SOX6: variants seen among roughly 807,000 people sequenced by gnomAD.
The protein encoded by SOX6 is SRY-box transcription factor 6, also known as transcription factor SOX-6.
SOX6 carries 11 observed loss-of-function variants against 97.8 expected under a neutral mutation model. The observed-to-expected ratio is 0.11, with a 90% CI of 0.07 to 0.19. The LOEUF is 0.19. Ranked by LOEUF, SOX6 falls within the 10% of genes least tolerant of loss-of-function variation. The pLI, the probability that SOX6 is intolerant of heterozygous loss-of-function variation, is 1.00. For missense variants in SOX6, 810 were observed against 1,039.5 expected (o/e 0.78, Z 3.04); for synonymous variants, 360 against 371.4 (o/e 0.97, Z 0.35).
At position 16,002,732 on chromosome 11, in the gene SOX6, T is replaced by G. The variant is rs558896371; in HGVS notation, c.1732+12210A>C. ...GGTTCAAGAAGATGCCCTTGGAGAA[T>G]AATGAGGCTGGTAAAAAGCTGGTAG... On this transcript the variant is annotated intron_variant, in intron 13 of 15. Transcript: ENST00000683767. 5.3e-5 allele frequency among the ~76,000 whole-genome samples: 8 copies of G among 152,246 alleles called. No homozygotes were observed. The South Asian group carries it at 1.7e-3, about 32-fold the overall frequency.
intron 3 of SOX6, among the ~76,000 whole-genome samples, chr11:16,703,592 G>A (rs1399968822): frequency 6.6e-6 from 1 of 152,042 alleles, no homozygotes; most frequent in Non-Finnish European, 1.5e-5. Context: ...ATACTGTCCG[G>A]AATGCTGTAA....
chr11:16,706,374 G>A (rs1848132168), intron 3 of SOX6, among the ~76,000 whole-genome samples: 1 of 144,330 alleles, frequency 6.9e-6, no homozygotes. Context: ...CTTAAGCCTG[G>A]GAGGTCAAGG....
intron 15 of SOX6, among the ~76,000 whole-genome samples, chr11:15,982,710 C>A (rs1249195090): frequency 6.6e-6 from 1 of 151,952 alleles, no homozygotes; most frequent in Non-Finnish European, 1.5e-5. Context: ...ACAGATGCAA[C>A]CACTGTAGAC....
intron 4 of SOX6, among the ~76,000 whole-genome samples, chr11:16,485,076 C>T (rs1860406051): frequency 6.6e-6 from 1 of 152,084 alleles, no homozygotes; most frequent in South Asian, 2.1e-4. Context: ...ATTTCTGGGT[C>T]AAGAGAGGAG....
chr11:16,578,598 A>T (rs1183386723), intron 4 of SOX6, among the ~76,000 whole-genome samples: 3 of 152,170 alleles, frequency 2.0e-5, no homozygotes, highest in African/African-American at 7.2e-5. Flanking sequence ...GAACTGTCAC[A>T]GTTCCTTCAA....
At chr11:16,281,688 T>C (rs993099789) in intron 3 of SOX6, among the ~76,000 whole-genome samples, 8 of 151,910 alleles carry the variant, frequency 5.3e-5, no homozygotes, top group Non-Finnish European at 1.2e-4. Context: ...GGCAAGTGAT[T>C]TAAACATTCT....
At chr11:16,301,108 C>G (rs563286002) in intron 3 of SOX6, among the ~76,000 whole-genome samples, 1 of 152,216 alleles carries the variant, frequency 6.6e-6, no homozygotes, top group East Asian at 1.9e-4. Context: ...TTCATGAAAT[C>G]ACATCAATTT....
At chr11:16,410,467 G>A (rs771792983) in intron 1 of SOX6, among the ~76,000 whole-genome samples, 28 of 151,960 alleles carry the variant, frequency 1.8e-4, no homozygotes, top group Non-Finnish European at 3.7e-4. Flanking sequence ...TAAAAGATAT[G>A]AGCAAGGGGC....
intron 6 of SOX6, among the ~76,000 whole-genome samples, chr11:16,176,182 A>G (rs1851181974): frequency 6.6e-6 from 1 of 151,750 alleles, no homozygotes; most frequent in Admixed American, 6.6e-5. Flanking sequence ...TAATCATTTA[A>G]TCTTCATTAC....
At chr11:16,511,841 C>A (rs1218010691) in intron 4 of SOX6, among the ~76,000 whole-genome samples, 1 of 152,096 alleles carries the variant, frequency 6.6e-6, no homozygotes, top group African/African-American at 2.4e-5. Flanking sequence ...TTTCTTAGAG[C>A]AGATGTCTAA....
At chr11:16,139,705 TGATA>T in intron 6 of SOX6, among the ~76,000 whole-genome samples, 1 of 152,006 alleles carries the variant, frequency 6.6e-6, no homozygotes, top group South Asian at 2.1e-4. Flanking sequence ...TGTGATGTGT[TGATA>T]TTACTATTGG....
At chr11:16,355,170 CACAAT>C (rs1462613389) in intron 1 of SOX6, among the ~76,000 whole-genome samples, 1 of 151,978 alleles carries the variant, frequency 6.6e-6, no homozygotes, top group Non-Finnish European at 1.5e-5. Flanking sequence ...TCACTATTTC[CACAAT>C]TTGAAGCTGA....
chr11:16,588,598 G>A (rs1828302198), intron 4 of SOX6, among the ~76,000 whole-genome samples: 1 of 152,084 alleles, frequency 6.6e-6, no homozygotes, highest in Non-Finnish European at 1.5e-5. Context: ...TTCTCCACTT[G>A]ACCCCCCTCT....
chr11:16,014,107 C>T (rs1260736168), intron 13 of SOX6, among the ~76,000 whole-genome samples: 1 of 151,994 alleles, frequency 6.6e-6, no homozygotes, highest in African/African-American at 2.4e-5. Flanking sequence ...GAAAACCAGT[C>T]TCTACTCTGT....
At chr11:16,037,034 A>G (rs983615272) in intron 12 of SOX6, among the ~76,000 whole-genome samples, 1 of 152,196 alleles carries the variant, frequency 6.6e-6, no homozygotes, top group African/African-American at 2.4e-5. Context: ...TGTCACTTAA[A>G]TGGTCTCAAT....
At chr11:16,116,094 G>C (rs1424245199) in intron 6 of SOX6, among the ~76,000 whole-genome samples, 1 of 152,086 alleles carries the variant, frequency 6.6e-6, no homozygotes, top group African/African-American at 2.4e-5. Context: ...CTTTATTAAA[G>C]AGAAGCCAGA....
chr11:16,281,479 G>A lies in SOX6; in HGVS notation c.445+36967C>T, dbSNP rs780280424. On this transcript the variant is annotated intron_variant, in intron 3 of 15. Transcript: ENST00000683767. Reference sequence around the variant, plus strand: ...TATTTATATCCACACATTATATACAGATGTATTTCATTTTTCCTACTGTAT... The same window carrying A: ...TATTTATATCCACACATTATATACAAATGTATTTCATTTTTCCTACTGTAT... 3.3e-5 allele frequency among the ~76,000 whole-genome samples: 5 copies of A among 152,128 alleles called. No homozygotes were observed. The East Asian group carries it at 7.7e-4, about 23-fold the overall frequency.
At chr11:16,712,233 T>G (rs144862998) in intron 3 of SOX6, among the ~76,000 whole-genome samples, 72 of 152,266 alleles carry the variant, frequency 4.7e-4, no homozygotes, top group African/African-American at 1.7e-3. Flanking sequence ...CTTTTTCATA[T>G]AATGGCTTCT....
At chr11:16,736,561 CTATTCT>C (rs1192077017) in intron 1 of SOX6, 1 of 152,178 alleles carries the variant, frequency 6.6e-6, no homozygotes, top group Non-Finnish European at 1.5e-5. Context: ...ATAGTAACTA[CTATTCT>C]TATTGACAAT....
Sources: allele counts gnomAD v4.1 joint callset (sites outside exome capture counted in the v4.1 genomes callset), GRCh38; gene constraint gnomAD v4.1.1; transcripts MANE v1.5; gene names NCBI Gene and HGNC (gene_info 2026-07-23, HGNC 2026-07-21).